Variants in KIF20B observed in about 807,000 individuals in gnomAD.
The protein encoded by KIF20B is kinesin family member 20B, also known as kinesin-like protein KIF20B.
In KIF20B, 188 loss-of-function variants were observed where a neutral mutation model predicts 232.5. That is an observed-to-expected ratio of 0.81 (90% CI 0.72 to 0.91). The LOEUF (loss-of-function observed/expected upper bound fraction) is 0.91. KIF20B is among the 40% of genes least tolerant of loss of function. The pLI is 0.00. For synonymous variants in KIF20B, 712 were observed against 683.0 expected, an observed-to-expected ratio of 1.04 and a Z score of -0.66; for missense variants, 2,154 against 2,055.9, an observed-to-expected ratio of 1.05 and a Z score of -0.92.
intron 26 of KIF20B, among the ~76,000 whole-genome samples, chr10:89,757,040 G>GTATGTATATATATATATATA (rs1554852904): frequency 1.0e-3 from 115 of 110,730 alleles, no homozygotes; most frequent in Non-Finnish European, 1.6e-3. Flanking sequence ...GTGTGTGTGT[G>GTATGTATATATATATATATA]TATATATATA....
intron 27 of KIF20B, among the ~76,000 whole-genome samples, chr10:89,759,589 A>G (rs1379565915): frequency 3.3e-5 from 5 of 152,146 alleles, no homozygotes; most frequent in African/African-American, 1.2e-4. Flanking sequence ...GTTGTTTAAT[A>G]ATATATCCTA....
intron 29 of KIF20B, among the ~76,000 whole-genome samples, chr10:89,765,402 A>G (rs1399145580): frequency 6.6e-6 from 1 of 152,172 alleles, no homozygotes; most frequent in Non-Finnish European, 1.5e-5. Flanking sequence ...AAACAAATGG[A>G]AGAACATTCC....
At position 89,745,968 on chromosome 10, in the gene KIF20B, C is replaced by T. The variant is rs1478117554; in HGVS notation, c.4096+9C>T. ...TGAGAGAGCATGCAAAGGTCAGGAA[C>T]AAGTTTGTACTTCTGGAACCAGAAA... On this transcript the variant is annotated intron_variant, in intron 23 of 32. Transcript: ENST00000371728. The T allele has an allele frequency of 6.2e-7, 1 of 1,604,338 alleles. No individual in the cohort carries two copies. The highest frequency in any genetic ancestry group is 1.1e-5 in the South Asian group (1 of 90,868).
intron 18 of KIF20B, among the ~76,000 whole-genome samples, chr10:89,731,521 C>T (rs897910060): frequency 3.9e-5 from 6 of 152,142 alleles, no homozygotes; most frequent in Non-Finnish European, 7.4e-5. Flanking sequence ...TTGTCTTGAG[C>T]GCAAACTCTT....
At chr10:89,758,631 A>G (rs2026549) in intron 26 of KIF20B, 75 bp from the exon 27 acceptor site, 266,857 of 1,021,576 alleles carry the variant, frequency 0.26, 37,717 homozygotes, top group African/African-American at 0.47. Flanking sequence ...GGTGTTACAT[A>G]TAATAATTTC....
intron 26 of KIF20B, among the ~76,000 whole-genome samples, chr10:89,756,788 C>A (rs978577909): frequency 3.3e-5 from 5 of 151,916 alleles, no homozygotes; most frequent in Non-Finnish European, 5.9e-5. Context: ...TTGATTGTAC[C>A]TGACTTCTTT....
At chr10:89,726,643 A>G in intron 16 of KIF20B, 122 bp downstream of exon 16, 1 of 758,122 alleles carries the variant, frequency 1.3e-6, no homozygotes, top group Admixed American at 3.9e-5. Flanking sequence ...TCATCTAGGT[A>G]ACATATTTTA....
At position 89,726,401 on chromosome 10, in the gene KIF20B, C is replaced by G; in HGVS notation, c.2110C>G (p.Pro704Ala). Residue 704 changes from proline (P) to alanine (A), a missense_variant, in exon 16 of 33, where the codon CCT becomes GCT. Pro to Ala is a conservative substitution (Grantham distance 27). Coordinates refer to ENST00000371728, the MANE Select transcript of KIF20B (RefSeq NM_001284259.2). ...EIAHLYIASL[P>A]DPQEATACLE... is the part of the protein sequence containing the mutation. ...TGCTCACTTATATATTGCATCTCTT[C>G]CTGACCCCCAGGAAGCTACTGCTTG... The G allele has an allele frequency of 6.3e-7, 1 of 1,587,176 alleles. No homozygotes were observed. The highest frequency in any genetic ancestry group is 8.6e-7 in the Non-Finnish European group (1 of 1,164,604).
chr10:89,707,652 TC>T (rs1842752607), intron 2 of KIF20B, among the ~76,000 whole-genome samples: 1 of 151,484 alleles, frequency 6.6e-6, no homozygotes, highest in African/African-American at 2.4e-5. Context: ...CCATCCCCTT[TC>T]CCCCTTCACA....
At position 89,704,419 on chromosome 10, in the gene KIF20B, T is replaced by A. The variant is rs1589848108; in HGVS notation, c.-1-875T>A. Among the ~76,000 whole-genome samples the A allele has an allele frequency of 4.6e-5, 7 of 152,378 alleles. 1 individual carries two copies. In the South Asian group the frequency reaches 1.4e-3, roughly 32 times the overall value. On this transcript the variant is annotated intron_variant, in intron 1 of 32. Transcript: ENST00000371728. ...AGTGATTTGATGTTTAATTCAATGG[T>A]AATAGTTTACTGATGCATTATTCCT...
At chr10:89,733,374 C>T (rs1364515191) in intron 19 of KIF20B, among the ~76,000 whole-genome samples, 1 of 152,082 alleles carries the variant, frequency 6.6e-6, no homozygotes, top group Non-Finnish European at 1.5e-5. Context: ...TAAATCCCAG[C>T]ACATTATTTT....
At chr10:89,751,865 G>GTAATT (rs1173229894) in intron 24 of KIF20B, among the ~76,000 whole-genome samples, 1 of 151,934 alleles carries the variant, frequency 6.6e-6, no homozygotes, top group East Asian at 1.9e-4. Context: ...AGTTTTTCTA[G>GTAATT]AGTATATGGA....
intron 28 of KIF20B, among the ~76,000 whole-genome samples, chr10:89,761,923 A>C (rs549802821): frequency 6.6e-6 from 1 of 152,166 alleles, no homozygotes; most frequent in Non-Finnish European, 1.5e-5. Flanking sequence ...TTGTTAGGCT[A>C]TTTTGTATGT....
intron 2 of KIF20B, among the ~76,000 whole-genome samples, chr10:89,708,840 A>G (rs1842780061): frequency 6.6e-6 from 1 of 152,284 alleles, no homozygotes; most frequent in South Asian, 2.1e-4. Flanking sequence ...AGAATATTCT[A>G]GTTACTTTTG....
At chr10:89,757,297 G>A (rs908019501) in intron 26 of KIF20B, among the ~76,000 whole-genome samples, 13 of 151,686 alleles carry the variant, frequency 8.6e-5, no homozygotes, top group Non-Finnish European at 1.6e-4. Flanking sequence ...TATTGGCTGT[G>A]CCTATACAAG....
chr10:89,753,307 G>T (rs1413742201), intron 25 of KIF20B, among the ~76,000 whole-genome samples: 4 of 152,186 alleles, frequency 2.6e-5, no homozygotes, highest in African/African-American at 9.6e-5. Context: ...ATAGTTTTGG[G>T]AGATTGTCTG....
In KIF20B at chr10:89,774,155, T is replaced by C; in HGVS notation, c.*107T>C. The C allele has an allele frequency of 1.8e-6, 1 of 547,520 alleles. No homozygotes were observed. Among genetic ancestry groups the C allele is most frequent in the Non-Finnish European group, 3.1e-6 (1 of 325,310 alleles). 33.9% of individuals were successfully genotyped at this position (547,520 alleles called of 1,614,324 possible). On this transcript the variant is annotated 3_prime_UTR_variant, in exon 33 of 33. Transcript: ENST00000371728. ...ATATTATGCATTAAATCACTCTGCA[T>C]ATAGATTGCTGTTTTATACATAGTA... is the stretch of plus-strand genomic sequence containing the variant.
intron 29 of KIF20B, chr10:89,766,138 C>A (rs905945518): frequency 3.6e-4 from 55 of 152,126 alleles, no homozygotes; most frequent in African/African-American, 1.3e-3. Context: ...TTCAGGTACA[C>A]CAATCAGACA....
rs1842538617 is a variant in KIF20B, at chr10:89,774,905, T to C, written c.*857T>C. 1.3e-5 allele frequency: 2 copies of C among 152,024 alleles called. No individual in the cohort carries two copies. Among genetic ancestry groups the C allele is most frequent in the South Asian group, 4.1e-4 (2 of 4,832 alleles). 9.4% of individuals were successfully genotyped at this position (152,024 alleles called of 1,614,324 possible). A position where few individuals can be genotyped will look rare whatever the true frequency, so the allele number is the denominator to read the frequency against. ...CCCATGAGGTCAATTGATTTTATTT[T>C]TAGATCCCATAAATAAATGAGAACA... On this transcript the variant is annotated 3_prime_UTR_variant, in exon 33 of 33. Coordinates refer to ENST00000371728, the MANE Select transcript of KIF20B (RefSeq NM_001284259.2).
Sources: allele counts gnomAD v4.1 joint callset (sites outside exome capture counted in the v4.1 genomes callset), GRCh38; gene constraint gnomAD v4.1.1; transcripts MANE v1.5; gene names NCBI Gene and HGNC (gene_info 2026-07-23, HGNC 2026-07-21).